ARHGEF10: variants seen among roughly 807,000 people sequenced by gnomAD.
The protein encoded by ARHGEF10 is Rho guanine nucleotide exchange factor 10.
In ARHGEF10, 140 loss-of-function variants were observed where a neutral mutation model predicts 147.4. The ratio of observed to expected loss-of-function variants is 0.95; its 90% CI spans 0.83 to 1.09. The LOEUF is 1.09. Among genes scored for constraint, ARHGEF10 ranks in the 50% least tolerant of loss-of-function variants. The probability of loss-of-function intolerance (pLI) is 0.00; values close to 1 mark genes in which losing one functional copy is unlikely to be tolerated. For synonymous variants in ARHGEF10, 902 were observed against 695.8 expected (o/e 1.30, Z -4.67); for missense variants, 2,222 against 1,752.7 (o/e 1.27, Z -4.78).
chr8:1,841,791 A>C (rs1804050708), intron 1 of ARHGEF10, among the ~76,000 whole-genome samples: 1 of 151,124 alleles, frequency 6.6e-6, no homozygotes, highest in South Asian at 2.1e-4. Flanking sequence ...TGGTGAAATG[A>C]CCTGAAACCT....
upstream of ARHGEF10, among the ~76,000 whole-genome samples, chr8:1,823,707 G>C: frequency 6.6e-6 from 1 of 151,880 alleles, no homozygotes; most frequent in Non-Finnish European, 1.5e-5. Flanking sequence ...ATCCGGGGGC[G>C]GGAGCCTCTG....
rs1810637384 is a variant in ARHGEF10 at position 1,903,437 on chromosome 8, A to G, written c.1807A>G (p.Arg603Gly). ...GCAAATAGCCAAAGCCATAAACGAA[A>G]GATACCTGAACAAGGTTGAGAGAGG... ...VKQIAKAINERYLNKLLSSGS... is the reference protein window; with the variant it reads ...VKQIAKAINEGYLNKLLSSGS... Residue 603 changes from arginine (R) to glycine (G), a missense_variant, in exon 16 of 29, where the codon AGA (arginine) becomes GGA (glycine). Transcript: ENST00000349830. 6.2e-7 allele frequency: 1 copy of G among 1,614,222 alleles called. No individual in the cohort carries two copies. The highest frequency in any genetic ancestry group is 8.5e-7 in the Non-Finnish European group (1 of 1,180,050).
chr8:1,898,741 C>G (rs3758011), intron 15 of ARHGEF10, among the ~76,000 whole-genome samples: 2 of 152,034 alleles, frequency 1.3e-5, no homozygotes, highest in African/African-American at 2.4e-5. Flanking sequence ...GCCTGCGAGG[C>G]CAGCCTTGGG....
At position 1,928,580 on chromosome 8, in the gene ARHGEF10, C is replaced by A. The variant is rs1209382672; in HGVS notation, c.2851C>A (p.Pro951Thr). 2.5e-6 allele frequency: 4 copies of A among 1,614,238 alleles called. No homozygotes were observed. Among genetic ancestry groups the A allele is most frequent in the Non-Finnish European group, 1.7e-6 (2 of 1,180,044 alleles). ...EEKRREPGAP[P>T]DPETPAVRAS... The stretch of plus-strand genomic sequence containing the variant: ...GAAGCGCAGAGAGCCTGGGGCACCC[C>A]CGGACCCCGAGACCCCGGCCGTGAG... Residue 951 changes from proline (P) to threonine (T), a missense_variant, in exon 24 of 29, where the codon CCG (proline) becomes ACG (threonine). By Grantham distance (38) the Pro-to-Thr change is conservative (BLOSUM62 -1). Transcript: ENST00000349830.
chr8:1,893,489 A>C lies in ARHGEF10; in HGVS notation c.1183-80A>C, dbSNP rs1809715266. ...AAAAATAGAAAAGTTACTTATCAGCAAGCCTCAGCATAGAAGTAAAATGTA... is the reference window on the plus strand; with the variant it reads ...AAAAATAGAAAAGTTACTTATCAGCCAGCCTCAGCATAGAAGTAAAATGTA... On this transcript the variant is annotated intron_variant, in intron 11 of 28. Coordinates refer to ENST00000349830, the MANE Select transcript of ARHGEF10 (RefSeq NM_014629.4). 5.4e-6 allele frequency: 5 copies of C among 931,996 alleles called. No individual in the cohort carries two copies. In the East Asian group the frequency reaches 9.6e-5, roughly 18 times the overall value. The allele number at this position is 931,996 out of a possible 1,614,324, so 57.7% of individuals were successfully genotyped here. A position where few individuals can be genotyped will look rare whatever the true frequency, so the allele number is the denominator to read the frequency against.
At chr8:1,857,916 A>ATCTG (rs1210758627) in intron 2 of ARHGEF10, 44 bp from the exon 3 acceptor site, 2 of 1,420,630 alleles carry the variant, frequency 1.4e-6, no homozygotes, top group African/African-American at 2.9e-5. Flanking sequence ...CTATCTATCT[A>ATCTG]TCTATCTATC....
At chr8:1,907,918 T>G (rs1811031001) in intron 17 of ARHGEF10, among the ~76,000 whole-genome samples, 1 of 152,194 alleles carries the variant, frequency 6.6e-6, no homozygotes, top group African/African-American at 2.4e-5. Flanking sequence ...AAACCTCCTC[T>G]GTAGGGATGG....
chr8:1,847,345 C>G (rs1245956556), intron 2 of ARHGEF10, among the ~76,000 whole-genome samples: 1 of 152,194 alleles, frequency 6.6e-6, no homozygotes, highest in Non-Finnish European at 1.5e-5. Context: ...AAGCACTCAG[C>G]AAATCCATTC....
chr8:1,944,749 C>T (rs1056902102), intron 26 of ARHGEF10, among the ~76,000 whole-genome samples: 3 of 152,236 alleles, frequency 2.0e-5, no homozygotes, highest in Admixed American at 2.0e-4. Context: ...TCATCCCAGC[C>T]CTCACCCTCT....
At chr8:1,837,805 A>T (rs1803679596) in intron 1 of ARHGEF10, among the ~76,000 whole-genome samples, 1 of 152,088 alleles carries the variant, frequency 6.6e-6, no homozygotes, top group East Asian at 1.9e-4. Context: ...CGTATTACTA[A>T]TGTTGGGCAG....
chr8:1,901,544 G>A (rs1191300065), intron 15 of ARHGEF10, among the ~76,000 whole-genome samples: 2 of 152,210 alleles, frequency 1.3e-5, no homozygotes, highest in Non-Finnish European at 2.9e-5. Flanking sequence ...CCGTTGTTGT[G>A]CAAAGATAAG....
intron 1 of ARHGEF10, among the ~76,000 whole-genome samples, chr8:1,826,559 G>T (rs1265403246): frequency 2.0e-5 from 3 of 152,172 alleles, no homozygotes; most frequent in African/African-American, 7.2e-5. Context: ...CTTCTCACGG[G>T]ACTTGAGGGT....
intron 7 of ARHGEF10, chr8:1,876,217 G>A: frequency 9.0e-6 from 3 of 332,312 alleles, no homozygotes; most frequent in South Asian, 6.4e-5. Flanking sequence ...CATCCTGTAA[G>A]TTTATATAAA....
intron 25 of ARHGEF10, among the ~76,000 whole-genome samples, chr8:1,931,184 C>T (rs962107152): frequency 6.6e-6 from 1 of 152,254 alleles, no homozygotes; most frequent in African/African-American, 2.4e-5. Context: ...GAGCCGCCTC[C>T]CTGCTGCCTG....
intron 25 of ARHGEF10, 128 bp downstream of exon 25, chr8:1,929,571 C>T (rs531094280): frequency 2.6e-6 from 3 of 1,170,134 alleles, no homozygotes; most frequent in Non-Finnish European, 2.3e-6. Context: ...CCCCTGCGCT[C>T]GTCACCCTTG....
intron 9 of ARHGEF10, among the ~76,000 whole-genome samples, chr8:1,880,974 C>A (rs1193243606): frequency 6.6e-6 from 1 of 152,214 alleles, no homozygotes; most frequent in Non-Finnish European, 1.5e-5. Flanking sequence ...GCTGGCTCCC[C>A]TGCAGGGTGT....
intron 21 of ARHGEF10, 131 bp from the exon 22 acceptor site, chr8:1,925,152 A>C (rs1812587335): frequency 1.8e-6 from 2 of 1,136,058 alleles, no homozygotes; most frequent in Non-Finnish European, 2.6e-6. Flanking sequence ...TTCCACAAGT[A>C]AAACATGGCG....
Position 1,928,560 on chromosome 8 carries a change from G to C in ARHGEF10, c.2831G>C (p.Arg944Pro). The stretch of plus-strand genomic sequence containing the variant: ...CTGTACGTTCCCGTCGAGGAGAAGC[G>C]CAGAGAGCCTGGGGCACCCCCGGAC... ...CMLYVPVEEK[R>P]REPGAPPDPE... Residue 944 changes from arginine (R) to proline (P), a missense_variant, in exon 24 of 29, where the codon CGC becomes CCC. By Grantham distance (103) the Arg-to-Pro change is moderately radical. Transcript: ENST00000349830. 1 of 1,614,234 alleles carries C rather than the reference G, an allele frequency of 6.2e-7. No individual in the cohort carries two copies. Among genetic ancestry groups the C allele is most frequent in the Non-Finnish European group, 8.5e-7 (1 of 1,180,044 alleles).
At chr8:1,908,524 G>A (rs113963890) in intron 17 of ARHGEF10, among the ~76,000 whole-genome samples, 28 of 152,158 alleles carry the variant, frequency 1.8e-4, no homozygotes, top group Non-Finnish European at 2.1e-4. Context: ...GAGCCACCGC[G>A]CCCGGCCCAC....
Sources: allele counts gnomAD v4.1 joint callset (sites outside exome capture counted in the v4.1 genomes callset), GRCh38; gene constraint gnomAD v4.1.1; transcripts MANE v1.5; gene names NCBI Gene and HGNC (gene_info 2026-07-23, HGNC 2026-07-21).